Variants in SYN3 observed in about 807,000 individuals in gnomAD.
SYN3 encodes the protein synapsin-3.
Under a neutral mutation model 65.8 loss-of-function variants are expected in SYN3, and 35 were observed. The observed-to-expected ratio is 0.53, with a 90% CI of 0.41 to 0.70. The LOEUF (loss-of-function observed/expected upper bound fraction) is 0.70. Ranked by LOEUF, SYN3 falls within the 30% of genes least tolerant of loss-of-function variation. The pLI, the probability that SYN3 is intolerant of heterozygous loss-of-function variation, is 0.00. For synonymous variants in SYN3, 270 were observed against 292.9 expected (o/e 0.92, Z 0.80); for missense variants, 680 against 749.0 (o/e 0.91, Z 1.08).
At chr22:32,968,409 C>T (rs1212725075) in intron 3 of SYN3, among the ~76,000 whole-genome samples, 1 of 152,208 alleles carries the variant, frequency 6.6e-6, no homozygotes, top group African/African-American at 2.4e-5. Context: ...TCTAAGACCA[C>T]TGTCAGCCTG....
At chr22:32,614,706 T>C (rs914454163) in intron 6 of SYN3, among the ~76,000 whole-genome samples, 1 of 152,200 alleles carries the variant, frequency 6.6e-6, no homozygotes, top group African/African-American at 2.4e-5. Flanking sequence ...GTAGCTATTA[T>C]TAATGATATA....
At chr22:32,807,146 G>T (rs111303650) in intron 6 of SYN3, among the ~76,000 whole-genome samples, 1 of 150,328 alleles carries the variant, frequency 6.7e-6, no homozygotes, top group Non-Finnish European at 1.5e-5. Flanking sequence ...AGACTGGGTA[G>T]CTCCCCCTGG....
chr22:32,963,288 T>C (rs1192948637), intron 3 of SYN3, among the ~76,000 whole-genome samples: 3 of 147,422 alleles, frequency 2.0e-5, no homozygotes, highest in Non-Finnish European at 4.5e-5. Flanking sequence ...GGTTTCACCA[T>C]GTTGACCAGG....
rs2057934724 is a variant in SYN3 at position 32,524,039 on chromosome 22, GA to G, written c.1318+3878del. Among the ~76,000 whole-genome samples the G allele has an allele frequency of 3.3e-5, 5 of 152,276 alleles. No homozygotes were observed. In the South Asian group the frequency reaches 1.0e-3, roughly 31 times the overall value. ...CTACTTTCAATCCTATGAAGGCTGA[GA>G]GAGGTGAGAAAGCTAAAGAAGAAAA... On this transcript the variant is annotated intron_variant, in intron 12 of 13. Transcript: ENST00000358763.
At chr22:32,990,785 C>T (rs141047687) in intron 2 of SYN3, among the ~76,000 whole-genome samples, 96 of 152,290 alleles carry the variant, frequency 6.3e-4, no homozygotes, top group African/African-American at 2.0e-3. Context: ...AGGTGACTCA[C>T]GCCTGTAATC....
intron 6 of SYN3, among the ~76,000 whole-genome samples, chr22:32,802,849 G>T (rs1015476209): frequency 5.3e-5 from 8 of 152,184 alleles, no homozygotes; most frequent in African/African-American, 1.9e-4. Context: ...CCTTGAATGT[G>T]TGTGGGGAGG....
intron 1 of SYN3, among the ~76,000 whole-genome samples, chr22:33,046,958 A>C (rs2054076522): frequency 6.9e-6 from 1 of 145,188 alleles, no homozygotes; most frequent in Admixed American, 7.0e-5. Flanking sequence ...CCCTTCCCCC[A>C]CCTCTTACCT....
rs373168130 is a variant in SYN3, at chr22:32,941,933, G to A, written c.370-10452C>T. 3.3e-5 allele frequency among the ~76,000 whole-genome samples: 5 copies of A among 152,226 alleles called. No individual in the cohort carries two copies. The East Asian group carries it at 5.8e-4, about 18-fold the overall frequency. On this transcript the variant is annotated intron_variant, in intron 3 of 13. Transcript: ENST00000358763. ...TCCGCCATTGCTAAGGCTTGAGTAG[G>A]TAAACAAAGCAGCCAGGAAGCTCAA...
intron 6 of SYN3, among the ~76,000 whole-genome samples, chr22:32,675,412 G>A (rs2060426043): frequency 1.3e-5 from 2 of 152,276 alleles, no homozygotes; most frequent in East Asian, 3.9e-4. Context: ...CCTGGAATCA[G>A]AGTGCAGCAA....
At chr22:32,838,703 A>C (rs1401187872) in intron 6 of SYN3, among the ~76,000 whole-genome samples, 1 of 151,906 alleles carries the variant, frequency 6.6e-6, no homozygotes, top group Non-Finnish European at 1.5e-5. Flanking sequence ...GAGTAACTCT[A>C]TGGAACAAGG....
At chr22:32,919,580 T>A (rs1443620619) in intron 4 of SYN3, among the ~76,000 whole-genome samples, 3 of 152,198 alleles carry the variant, frequency 2.0e-5, no homozygotes, top group Non-Finnish European at 4.4e-5. Context: ...CTATGTAATG[T>A]TTGCTGGAGC....
intron 4 of SYN3, among the ~76,000 whole-genome samples, chr22:32,918,392 T>C (rs1008984357): frequency 1.3e-5 from 2 of 152,164 alleles, no homozygotes; most frequent in Non-Finnish European, 1.5e-5. Flanking sequence ...AATGAACAAA[T>C]AGTTATTGAG....
chr22:32,646,545 A>T (rs535151655), intron 6 of SYN3, among the ~76,000 whole-genome samples: 1 of 152,210 alleles, frequency 6.6e-6, no homozygotes, highest in East Asian at 1.9e-4. Context: ...TTTGTGCTAG[A>T]TCTTTTTTTG....
intron 6 of SYN3, among the ~76,000 whole-genome samples, chr22:32,692,760 C>A (rs2060683046): frequency 2.3e-5 from 1 of 44,058 alleles, no homozygotes; most frequent in Non-Finnish European, 4.2e-5. Flanking sequence ...AAAGCCCTGT[C>A]TTTGTAGAGT....
intron 3 of SYN3, among the ~76,000 whole-genome samples, chr22:32,958,737 AGTAT>A (rs1413065590): frequency 6.6e-6 from 1 of 152,188 alleles, no homozygotes; most frequent in African/African-American, 2.4e-5. Context: ...TGATGAGATT[AGTAT>A]GTTTTATGAG....
chr22:32,997,621 A>C (rs924457494), intron 2 of SYN3, among the ~76,000 whole-genome samples: 1 of 152,214 alleles, frequency 6.6e-6, no homozygotes, highest in African/African-American at 2.4e-5. Flanking sequence ...ATGGGGGAAC[A>C]AAAAGCCCTG....
chr22:32,702,490 G>A (rs868799194), intron 6 of SYN3, among the ~76,000 whole-genome samples: 1 of 152,014 alleles, frequency 6.6e-6, no homozygotes. Flanking sequence ...ATAAATAGAA[G>A]CATCTAAATT....
At chr22:33,008,492 T>C (rs1189473789) in intron 1 of SYN3, among the ~76,000 whole-genome samples, 2 of 152,194 alleles carry the variant, frequency 1.3e-5, no homozygotes, top group Non-Finnish European at 2.9e-5. Flanking sequence ...TATGCTTTTG[T>C]TAATAACTGC....
chr22:33,055,790 C>A (rs747225646), intron 1 of SYN3, among the ~76,000 whole-genome samples: 1 of 152,208 alleles, frequency 6.6e-6, no homozygotes, highest in African/African-American at 2.4e-5. Flanking sequence ...TGTTCCACCC[C>A]TCAACACTTG....
Sources: allele counts gnomAD v4.1 joint callset (sites outside exome capture counted in the v4.1 genomes callset), GRCh38; gene constraint gnomAD v4.1.1; transcripts MANE v1.5; gene names NCBI Gene and HGNC (gene_info 2026-07-23, HGNC 2026-07-21).